The following TMUB2 variants were observed in gnomAD, a reference collection of about 807,000 sequenced individuals.
TMUB2 encodes transmembrane and ubiquitin like domain containing 2.
A neutral mutation model predicts 20.2 loss-of-function variants in TMUB2; 19 were observed. That is an observed-to-expected ratio of 0.94 (90% confidence interval 0.66 to 1.38). TMUB2 has a LOEUF of 1.38. Ranked by LOEUF, TMUB2 falls within the 40% of genes most tolerant of loss-of-function variation. The pLI is 0.00. For synonymous variants in TMUB2, 186 were observed against 166.0 expected (o/e 1.12, Z -0.92); for missense variants, 426 against 402.5 (o/e 1.06, Z -0.50).
chr17:44,191,624 C>G lies in TMUB2; in HGVS notation c.*760C>G. The G allele has an allele frequency of 1.0e-6, 1 of 985,842 alleles. No individual in the cohort carries two copies. 61.1% of individuals were successfully genotyped at this position (985,842 alleles called of 1,614,324 possible). A position where few individuals can be genotyped will look rare whatever the true frequency, so the allele number is the denominator to read the frequency against. ...GCCCTTGGCCAGCGTCCTACCCTGC[C>G]CAACTCCAAGGACTGGGTATGGATT... On this transcript the variant is annotated 3_prime_UTR_variant, in exon 4 of 4. Transcript: ENST00000538716.
intron 1 of TMUB2, 169 bp from the exon 2 acceptor site, chr17:44,187,507 C>T: frequency 1.7e-6 from 1 of 599,874 alleles, no homozygotes; most frequent in Non-Finnish European, 3.0e-6. Flanking sequence ...TCCTGCCGGG[C>T]CCCTCCCCAC....
chr17:44,188,789 G>A (rs750996932), intron 2 of TMUB2: 7 of 540,146 alleles, frequency 1.3e-5, no homozygotes, highest in Non-Finnish European at 2.1e-5. Flanking sequence ...GAGTTTGAGA[G>A]AGGAAGGTCA....
chr17:44,189,010 T>C lies in TMUB2; in HGVS notation c.36-12T>C, dbSNP rs748200862. The C allele has an allele frequency of 6.2e-7, 1 of 1,606,808 alleles. No individual in the cohort carries two copies. Among genetic ancestry groups the C allele is most frequent in the South Asian group, 1.1e-5 (1 of 90,346 alleles). On this transcript the variant is annotated splice_polypyrimidine_tract_variant and intron_variant, in intron 2 of 3. Transcript: ENST00000538716. ...CAGGCTCTGCTGATGCTGTCCCCCT[T>C]TGTTCCTGCAGCGTGGACCCTGCCA... is the stretch of plus-strand genomic sequence containing the variant.
At position 44,190,822 on chromosome 17, in the gene TMUB2, C is replaced by T. The variant is rs199599501; in HGVS notation, c.924C>T (p.Thr308=). 5.6e-5 allele frequency: 90 copies of T among 1,613,862 alleles called. No individual in the cohort carries two copies. The highest frequency in any genetic ancestry group is 7.1e-5 in the Non-Finnish European group (84 of 1,179,928). ...APATVSLVGV[T]VFFSFLVFGM... ...CCACTGTCTCCCTGGTGGGAGTCAC[C>T]GTCTTCTTCAGCTTCCTAGTATTTG... Residue 308 remains threonine (T), a synonymous_variant, in exon 4 of 4, where the codon ACC becomes ACT. Transcript: ENST00000538716.
At chr17:44,188,839 G>A in intron 2 of TMUB2, 183 bp from the exon 3 acceptor site, 1 of 1,033,486 alleles carries the variant, frequency 9.7e-7, no homozygotes, top group East Asian at 2.7e-5. Flanking sequence ...GAGGCAAAGG[G>A]TAGGGTAGGT....
At chr17:44,187,614 C>G (rs913659379) in intron 1 of TMUB2, 62 bp from the exon 2 acceptor site, 2 of 708,792 alleles carry the variant, frequency 2.8e-6, no homozygotes, top group Non-Finnish European at 5.3e-6. Flanking sequence ...TTCTTACCAT[C>G]AGGGGTTAGT....
At position 44,191,194 on chromosome 17, in the gene TMUB2, C is replaced by T. The variant is rs1327159190; in HGVS notation, c.*330C>T. ...CCTCCCACCTGTGGTTCTGACTCTT[C>T]CCAGTGTCCTGCATGTCTGCCCCCA... On this transcript the variant is annotated 3_prime_UTR_variant, in exon 4 of 4. Coordinates refer to ENST00000538716, the MANE Select transcript of TMUB2 (RefSeq NM_001076674.3). 2 of 1,096,644 alleles carry T rather than the reference C, an allele frequency of 1.8e-6. No homozygotes were observed. Among genetic ancestry groups the T allele is most frequent in the Admixed American group, 9.6e-5 (2 of 20,780 alleles). The allele number at this position is 1,096,644 out of a possible 1,614,324, so 67.9% of individuals were successfully genotyped here.
chr17:44,190,437 C>T, intron 3 of TMUB2, 64 bp from the exon 4 acceptor site: 1 of 1,519,480 alleles, frequency 6.6e-7, no homozygotes, highest in Non-Finnish European at 8.8e-7. Flanking sequence ...TTTGTTGGTC[C>T]AGGCCTGTTT....
In TMUB2 at chr17:44,191,415, G is replaced by C. The variant is rs1284892135; in HGVS notation, c.*551G>C. ...ACCTTCTTCCTCTACCCCTTAGCAG[G>C]AATAGGGTGTCCTCCCTTCTTTCAA... On this transcript the variant is annotated 3_prime_UTR_variant, in exon 4 of 4. Transcript: ENST00000538716. 1 of 986,370 alleles carries C rather than the reference G, an allele frequency of 1.0e-6. No homozygotes were observed. Among genetic ancestry groups the C allele is most frequent in the Admixed American group, 6.1e-5 (1 of 16,332 alleles). 61.1% of individuals were successfully genotyped at this position (986,370 alleles called of 1,614,324 possible).
intron 2 of TMUB2, chr17:44,188,712 C>T: frequency 3.6e-6 from 1 of 278,136 alleles, no homozygotes; most frequent in South Asian, 9.0e-5. Flanking sequence ...ACCAAAAAAG[C>T]AACAACAGTA....
At chr17:44,189,905 G>A (rs2055135057) in intron 3 of TMUB2, 1 of 210,162 alleles carries the variant, frequency 4.8e-6, no homozygotes, top group South Asian at 1.1e-4. Context: ...CAGCTACTCA[G>A]GAGGCTGAGG....
At chr17:44,187,485 G>A (rs2054616989) in intron 1 of TMUB2, 191 bp from the exon 2 acceptor site, 2 of 586,314 alleles carry the variant, frequency 3.4e-6, no homozygotes, top group Admixed American at 5.9e-5. Flanking sequence ...CCCTGAGGCC[G>A]GACACCTGGG....
At chr17:44,187,609 A>C (rs1052513082) in intron 1 of TMUB2, 67 bp from the exon 2 acceptor site, 3 of 706,324 alleles carry the variant, frequency 4.2e-6, no homozygotes, top group African/African-American at 3.5e-5. Flanking sequence ...TAACCTTCTT[A>C]CCATCAGGGG....
chr17:44,188,931 T>C (rs996796356), intron 2 of TMUB2, 91 bp from the exon 3 acceptor site: 10 of 1,445,496 alleles, frequency 6.9e-6, no homozygotes, highest in South Asian at 4.5e-5. Flanking sequence ...TTTTTTTTTT[T>C]CAGGGCTGGG....
chr17:44,190,995 C>T lies in TMUB2; in HGVS notation c.*131C>T. 2.7e-6 allele frequency: 4 copies of T among 1,489,376 alleles called. No homozygotes were observed. The highest frequency in any genetic ancestry group is 3.5e-6 in the Non-Finnish European group (4 of 1,128,162). The allele number at this position is 1,489,376 out of a possible 1,614,324, so 92.3% of individuals were successfully genotyped here. Reference sequence around the variant, plus strand: ...TGTGATGGAAATCTCCTCCATAGGACACAGGAGGCAAGTATGCGGCCTCCC... The same window carrying T: ...TGTGATGGAAATCTCCTCCATAGGATACAGGAGGCAAGTATGCGGCCTCCC... On this transcript the variant is annotated 3_prime_UTR_variant, in exon 4 of 4. Coordinates refer to ENST00000538716, the MANE Select transcript of TMUB2 (RefSeq NM_001076674.3).
In TMUB2 at chr17:44,189,176, A is replaced by T. The variant is rs2144309026; in HGVS notation, c.190A>T (p.Asn64Tyr). The change falls in exon 3 of 4, where the codon AAC becomes TAC. Residue 64 changes from asparagine (N) to tyrosine (Y), a missense_variant. Coordinates refer to ENST00000538716, the MANE Select transcript of TMUB2 (RefSeq NM_001076674.3). ...TACCTACGTAGCAGACAGCGGTAGC[A>T]ACCAGCTCCTGGGCGCTATTGTGTC... is the stretch of plus-strand genomic sequence containing the variant. ...LSTYVADSGS[N>Y]QLLGAIVSAG... 6.2e-7 allele frequency: 1 copy of T among 1,614,158 alleles called. No homozygotes were observed. The highest frequency in any genetic ancestry group is 2.2e-5 in the East Asian group (1 of 44,886).
chr17:44,190,963 GA>G lies in TMUB2; in HGVS notation c.*102del. On this transcript the variant is annotated 3_prime_UTR_variant, in exon 4 of 4. Transcript: ENST00000538716. ...CCCAAGGGCCGGGGAGGGAGGGGTGGAAAGGATGTGATGGAAATCTCCTCCA... is the reference window on the plus strand; with the variant it reads ...CCCAAGGGCCGGGGAGGGAGGGGTGGAAGGATGTGATGGAAATCTCCTCCA... 6.6e-7 allele frequency: 1 copy of G among 1,509,130 alleles called. No homozygotes were observed. The highest frequency in any genetic ancestry group is 1.4e-5 in the African/African-American group (1 of 71,802). 93.5% of individuals were successfully genotyped at this position (1,509,130 alleles called of 1,614,324 possible). A position where few individuals can be genotyped will look rare whatever the true frequency, so the allele number is the denominator to read the frequency against.
chr17:44,190,443 T>A, intron 3 of TMUB2, 58 bp from the exon 4 acceptor site: 8 of 1,527,024 alleles, frequency 5.2e-6, no homozygotes, highest in Non-Finnish European at 6.2e-6. Context: ...GGTCCAGGCC[T>A]GTTTGCCTTC....
chr17:44,190,303 A>C, intron 3 of TMUB2, 198 bp from the exon 4 acceptor site: 1 of 529,016 alleles, frequency 1.9e-6, no homozygotes, highest in Non-Finnish European at 3.1e-6. Context: ...GTGAGCCGAG[A>C]TCGCGCCACT....
Sources: allele counts gnomAD v4.1 joint callset, GRCh38; gene constraint gnomAD v4.1.1; transcripts MANE v1.5; gene names NCBI Gene and HGNC (gene_info 2026-07-23, HGNC 2026-07-21).